Variants in LRRTM4 observed in about 807,000 individuals in gnomAD.
The protein encoded by LRRTM4 is leucine rich repeat transmembrane neuronal 4, also known as leucine-rich repeat transmembrane neuronal protein 4.
A neutral mutation model predicts 47.6 loss-of-function variants in LRRTM4; 25 were observed. The ratio of observed to expected loss-of-function variants is 0.53; its 90% CI spans 0.38 to 0.73. LRRTM4 has a LOEUF of 0.73. Ranked by LOEUF, LRRTM4 falls within the 30% of genes least tolerant of loss-of-function variation. The pLI is 0.00. For synonymous variants in LRRTM4, 311 were observed against 269.5 expected (o/e 1.15, Z -1.51); for missense variants, 638 against 713.4 (o/e 0.89, Z 1.20).
chr2:76,872,144 T>G (rs1672641274), intron 3 of LRRTM4, among the ~76,000 whole-genome samples: 1 of 152,172 alleles, frequency 6.6e-6, no homozygotes, highest in Non-Finnish European at 1.5e-5. Context: ...ACAATATGCT[T>G]CTGATTAAAA....
intron 3 of LRRTM4, among the ~76,000 whole-genome samples, chr2:77,125,693 T>C (rs1467855016): frequency 1.3e-5 from 2 of 152,102 alleles, no homozygotes; most frequent in Non-Finnish European, 2.9e-5. Context: ...TGCATGTGAT[T>C]TGAGAAATAT....
rs551251372 is a variant in LRRTM4 at position 77,030,513 on chromosome 2, G to T, written c.1552-281597C>A. Among the ~76,000 whole-genome samples the T allele has an allele frequency of 2.0e-5, 3 of 152,234 alleles. No homozygotes were observed. The South Asian group carries it at 6.2e-4, about 32-fold the overall frequency. Reference sequence around the variant, plus strand: ...ATGTTTAGAATTTAAATCTAAATTTGTAAAACCTTAAAGATAGTGAATATA... The same window carrying T: ...ATGTTTAGAATTTAAATCTAAATTTTTAAAACCTTAAAGATAGTGAATATA... On this transcript the variant is annotated intron_variant, in intron 3 of 3. Transcript: ENST00000409884.
At chr2:76,807,389 T>G (rs1293192728) in intron 3 of LRRTM4, among the ~76,000 whole-genome samples, 1 of 126,906 alleles carries the variant, frequency 7.9e-6, no homozygotes. Context: ...ATTTTATATA[T>G]ATATATATAT....
At chr2:77,236,450 A>ATT (rs540401924) in intron 3 of LRRTM4, among the ~76,000 whole-genome samples, 88 of 146,746 alleles carry the variant, frequency 6.0e-4, no homozygotes, top group African/African-American at 2.0e-3. Flanking sequence ...ACAGAATCAT[A>ATT]TTTTTTTTTT....
chr2:77,297,757 T>C (rs535796582), intron 3 of LRRTM4, among the ~76,000 whole-genome samples: 2 of 152,304 alleles, frequency 1.3e-5, no homozygotes, highest in African/African-American at 4.8e-5. Flanking sequence ...TTAAAGTCAA[T>C]TAATAATGAT....
intron 3 of LRRTM4, among the ~76,000 whole-genome samples, chr2:77,259,037 G>T (rs1028790337): frequency 6.6e-6 from 1 of 151,930 alleles, no homozygotes; most frequent in South Asian, 2.1e-4. Context: ...CTGTAATTAA[G>T]TGTGTACATT....
At chr2:76,968,383 TAC>T (rs1553437948) in intron 3 of LRRTM4, among the ~76,000 whole-genome samples, 96 of 111,406 alleles carry the variant, frequency 8.6e-4, no homozygotes, top group African/African-American at 2.6e-3. Context: ...TATATATATA[TAC>T]ACATACATAC....
At chr2:76,963,502 A>G (rs1422161825) in intron 3 of LRRTM4, among the ~76,000 whole-genome samples, 1 of 151,034 alleles carries the variant, frequency 6.6e-6, no homozygotes, top group African/African-American at 2.4e-5. Context: ...CTTTGAAAAA[A>G]TATTTGATTC....
At position 76,940,230 on chromosome 2, in the gene LRRTM4, G is replaced by A. The variant is rs902560411; in HGVS notation, c.1552-191314C>T. Among the ~76,000 whole-genome samples the A allele has an allele frequency of 5.3e-5, 8 of 152,038 alleles. No homozygotes were observed. The East Asian group carries it at 1.4e-3, about 26-fold the overall frequency. The stretch of plus-strand genomic sequence containing the variant: ...CCCTAATTGTAATAGCAAAGACATC[G>A]AATCAACCTAGAGGTCCATCAGTGG... On this transcript the variant is annotated intron_variant, in intron 3 of 3. Coordinates refer to ENST00000409884, the MANE Select transcript of LRRTM4 (RefSeq NM_001134745.3).
chr2:76,968,594 T>C (rs1358312029), intron 3 of LRRTM4, among the ~76,000 whole-genome samples: 1 of 151,494 alleles, frequency 6.6e-6, no homozygotes, highest in Non-Finnish European at 1.5e-5. Context: ...CTCATTTTGC[T>C]TTTTAGCTAA....
intron 3 of LRRTM4, among the ~76,000 whole-genome samples, chr2:77,100,028 T>C (rs867704273): frequency 5.9e-5 from 9 of 152,164 alleles, no homozygotes; most frequent in Admixed American, 1.3e-4. Context: ...AAGCTACTGA[T>C]TGATTTTTCT....
chr2:77,285,340 TTATATA>T (rs10527679), intron 3 of LRRTM4, among the ~76,000 whole-genome samples: 2,565 of 82,612 alleles, frequency 0.031, 134 homozygotes, highest in African/African-American at 0.052. Flanking sequence ...AGCATTAAAT[TTATATA>T]TATATATATA....
chr2:77,125,944 A>T (rs1030048827), intron 3 of LRRTM4, among the ~76,000 whole-genome samples: 4 of 150,686 alleles, frequency 2.7e-5, no homozygotes, highest in African/African-American at 9.7e-5. Flanking sequence ...GTGTATATAT[A>T]TATATGCAGT....
At chr2:77,172,386 G>A (rs901893512) in intron 3 of LRRTM4, among the ~76,000 whole-genome samples, 1 of 152,102 alleles carries the variant, frequency 6.6e-6, no homozygotes, top group Admixed American at 6.6e-5. Context: ...CACGAGATCA[G>A]GAGTTCGAGA....
At chr2:76,846,921 G>A (rs560343257) in intron 3 of LRRTM4, among the ~76,000 whole-genome samples, 1 of 152,136 alleles carries the variant, frequency 6.6e-6, no homozygotes, top group African/African-American at 2.4e-5. Context: ...AAATACAAAT[G>A]AATAGTTTGT....
intron 3 of LRRTM4, among the ~76,000 whole-genome samples, chr2:76,787,683 G>A (rs758086405): frequency 5.9e-5 from 9 of 152,048 alleles, no homozygotes; most frequent in Non-Finnish European, 1.3e-4. Context: ...ATTGACTACA[G>A]CACACTTATT....
intron 3 of LRRTM4, among the ~76,000 whole-genome samples, chr2:76,978,007 G>C (rs897795470): frequency 1.3e-5 from 2 of 152,020 alleles, no homozygotes; most frequent in Non-Finnish European, 2.9e-5. Flanking sequence ...CATTCAGTCA[G>C]TGTGAATGTG....
At chr2:76,793,471 C>G (rs1558656629) in intron 3 of LRRTM4, among the ~76,000 whole-genome samples, 1 of 152,038 alleles carries the variant, frequency 6.6e-6, no homozygotes, top group Non-Finnish European at 1.5e-5. Context: ...TTTGTTCTAT[C>G]TACTTTAAGA....
intron 3 of LRRTM4, among the ~76,000 whole-genome samples, chr2:77,040,762 T>A (rs1281673917): frequency 6.6e-6 from 1 of 151,464 alleles, no homozygotes; most frequent in Non-Finnish European, 1.5e-5. Flanking sequence ...GAGAAACTGC[T>A]TTAGTCCATT....
Sources: allele counts gnomAD v4.1 joint callset (sites outside exome capture counted in the v4.1 genomes callset), GRCh38; gene constraint gnomAD v4.1.1; transcripts MANE v1.5; gene names NCBI Gene and HGNC (gene_info 2026-07-23, HGNC 2026-07-21).